Variants in SGCZ observed in about 807,000 individuals in gnomAD.
SGCZ encodes zeta-sarcoglycan.
Under a neutral mutation model 41.3 loss-of-function variants are expected in SGCZ, and 40 were observed. That is an observed-to-expected ratio of 0.97 (90% CI 0.75 to 1.26). The LOEUF (loss-of-function observed/expected upper bound fraction) is 1.26, where lower values mean the gene tolerates loss of function less well. Ranked by LOEUF, SGCZ falls within the 50% of genes most tolerant of loss-of-function variation. The probability of loss-of-function intolerance (pLI) is 0.00; values close to 1 mark genes in which losing one functional copy is unlikely to be tolerated. For synonymous variants in SGCZ, 206 were observed against 137.5 expected, an observed-to-expected ratio of 1.50 and a Z score of -3.49; for missense variants, 552 against 369.8, an observed-to-expected ratio of 1.49 and a Z score of -4.04.
At chr8:14,900,499 G>C (rs1715470419) in intron 1 of SGCZ, among the ~76,000 whole-genome samples, 1 of 152,106 alleles carries the variant, frequency 6.6e-6, no homozygotes, top group African/African-American at 2.4e-5. Context: ...CCAGCAGAAT[G>C]GATTCAGGCT....
chr8:14,944,075 G>T (rs899816035), intron 1 of SGCZ, among the ~76,000 whole-genome samples: 10 of 152,082 alleles, frequency 6.6e-5, no homozygotes, highest in Non-Finnish European at 1.5e-5. Flanking sequence ...TCATACTCAA[G>T]AATTGCCTGT....
chr8:14,716,611 G>C (rs1382235467), intron 1 of SGCZ, among the ~76,000 whole-genome samples: 5 of 151,946 alleles, frequency 3.3e-5, no homozygotes, highest in South Asian at 2.1e-4. Flanking sequence ...AATTCTATTT[G>C]TCTGTAATAG....
At chr8:14,981,743 C>G (rs1256911010) in intron 1 of SGCZ, among the ~76,000 whole-genome samples, 1 of 152,178 alleles carries the variant, frequency 6.6e-6, no homozygotes, top group Non-Finnish European at 1.5e-5. Flanking sequence ...AATAGCTCCG[C>G]TTATAGCCCC....
intron 5 of SGCZ, among the ~76,000 whole-genome samples, chr8:14,145,398 T>C (rs1459863865): frequency 6.6e-6 from 1 of 152,156 alleles, no homozygotes; most frequent in Admixed American, 6.5e-5. Context: ...GGATACACCC[T>C]ATAGCAGATA....
chr8:14,244,635 C>T (rs2117188685), intron 3 of SGCZ, among the ~76,000 whole-genome samples: 1 of 151,568 alleles, frequency 6.6e-6, no homozygotes, highest in Admixed American at 6.6e-5. Flanking sequence ...TGCAGAAAGG[C>T]ATTGGTAGCT....
At chr8:14,232,076 AAAT>A (rs1806591807) in intron 4 of SGCZ, among the ~76,000 whole-genome samples, 1 of 151,994 alleles carries the variant, frequency 6.6e-6, no homozygotes, top group Non-Finnish European at 1.5e-5. Flanking sequence ...CAAATTTTCA[AAAT>A]TATTTACTTT....
intron 2 of SGCZ, among the ~76,000 whole-genome samples, chr8:14,477,124 G>C (rs1801384614): frequency 6.6e-6 from 1 of 151,900 alleles, no homozygotes; most frequent in Non-Finnish European, 1.5e-5. Flanking sequence ...CACTCTATGT[G>C]TCTTTTCATT....
chr8:14,662,846 T>A (rs921929517), intron 1 of SGCZ, among the ~76,000 whole-genome samples: 2 of 152,030 alleles, frequency 1.3e-5, no homozygotes, highest in African/African-American at 4.8e-5. Context: ...AGGAGAAGAA[T>A]TTGACTTGCT....
chr8:14,604,848 A>G (rs536445075), intron 1 of SGCZ, among the ~76,000 whole-genome samples: 1 of 152,328 alleles, frequency 6.6e-6, no homozygotes, highest in East Asian at 1.9e-4. Flanking sequence ...GCCTCCTTAT[A>G]TTGGAATAAG....
At chr8:15,000,543 G>A (rs1056084555) in intron 1 of SGCZ, among the ~76,000 whole-genome samples, 7 of 152,122 alleles carry the variant, frequency 4.6e-5, no homozygotes, top group African/African-American at 9.7e-5. Flanking sequence ...GCTTGCATGG[G>A]TGAGTGCCCC....
intron 5 of SGCZ, among the ~76,000 whole-genome samples, chr8:14,143,436 A>T (rs2116930451): frequency 6.6e-6 from 1 of 152,374 alleles, no homozygotes; most frequent in Non-Finnish European, 1.5e-5. Context: ...ATGTGAAAAC[A>T]ATTTTCTATA....
chr8:15,083,457 C>G (rs1377106177), intron 1 of SGCZ, among the ~76,000 whole-genome samples: 10 of 152,008 alleles, frequency 6.6e-5, no homozygotes, highest in Non-Finnish European at 1.5e-5. Context: ...CTAAAATGGC[C>G]TCTATAAACA....
intron 1 of SGCZ, among the ~76,000 whole-genome samples, chr8:14,915,262 T>C (rs1024956790): frequency 6.6e-6 from 1 of 152,186 alleles, no homozygotes; most frequent in Non-Finnish European, 1.5e-5. Flanking sequence ...CATGTATATA[T>C]GCTGTTATGG....
chr8:14,112,285 G>GC (rs1028065119), intron 5 of SGCZ, among the ~76,000 whole-genome samples: 6 of 105,706 alleles, frequency 5.7e-5, no homozygotes, highest in African/African-American at 1.9e-4. Context: ...TTTTTTTGTG[G>GC]GGGGGGGGTG....
intron 1 of SGCZ, among the ~76,000 whole-genome samples, chr8:14,614,705 TG>T (rs1454634079): frequency 5.9e-5 from 9 of 152,056 alleles, no homozygotes; most frequent in African/African-American, 2.2e-4. Context: ...AGAGGGAAAA[TG>T]TGTAGATAAA....
intron 1 of SGCZ, among the ~76,000 whole-genome samples, chr8:14,570,359 G>A (rs964180530): frequency 6.6e-6 from 1 of 152,174 alleles, no homozygotes; most frequent in Admixed American, 6.5e-5. Flanking sequence ...AGGTGTGATA[G>A]TCAGAGGATG....
At chr8:14,206,738 C>T (rs911078807) in intron 4 of SGCZ, among the ~76,000 whole-genome samples, 1 of 152,156 alleles carries the variant, frequency 6.6e-6, no homozygotes, top group African/African-American at 2.4e-5. Context: ...GGTATTACCC[C>T]CTAAATTACC....
At chr8:14,217,432 A>G (rs1267053107) in intron 4 of SGCZ, among the ~76,000 whole-genome samples, 2 of 151,926 alleles carry the variant, frequency 1.3e-5, no homozygotes, top group Non-Finnish European at 1.5e-5. Context: ...ATTGTATGGT[A>G]TAGTTACATA....
chr8:15,171,975 T>G (rs565093948), intron 1 of SGCZ, among the ~76,000 whole-genome samples: 196 of 152,258 alleles, frequency 1.3e-3, no homozygotes, highest in African/African-American at 4.6e-3. Context: ...ACAGGAGCCC[T>G]TGATCCCTTC....
Sources: allele counts gnomAD v4.1 joint callset (sites outside exome capture counted in the v4.1 genomes callset), GRCh38; gene constraint gnomAD v4.1.1; transcripts MANE v1.5; gene names NCBI Gene and HGNC (gene_info 2026-07-23, HGNC 2026-07-21).